RORA: variants seen among roughly 807,000 people sequenced by gnomAD.
RORA encodes the protein nuclear receptor ROR-alpha.
RORA carries 7 observed loss-of-function variants against 69.5 expected under a neutral mutation model. The observed-to-expected ratio is 0.10, with a 90% CI of 0.06 to 0.19. The LOEUF (loss-of-function observed/expected upper bound fraction) is 0.19, where lower values mean the gene tolerates loss of function less well. Ranked by LOEUF, RORA falls within the 10% of genes least tolerant of loss-of-function variation. The pLI is 1.00. For missense variants in RORA, 457 were observed against 663.0 expected, an observed-to-expected ratio of 0.69 and a Z score of 3.41; for synonymous variants, 261 against 240.8, an observed-to-expected ratio of 1.08 and a Z score of -0.78.
intron 2 of RORA, among the ~76,000 whole-genome samples, chr15:60,563,274 A>G (rs2067628618): frequency 6.6e-6 from 1 of 152,220 alleles, no homozygotes; most frequent in African/African-American, 2.4e-5. Flanking sequence ...ACAACTGCTC[A>G]GCCTTTTATA....
chr15:61,189,856 C>CAAAAAAAA (rs71125907), intron 1 of RORA, among the ~76,000 whole-genome samples: 1 of 42,894 alleles, frequency 2.3e-5, no homozygotes. Context: ...GACTCTGTCT[C>CAAAAAAAA]AAAAAAAAAA....
At chr15:61,003,253 T>C (rs979756196) in intron 1 of RORA, among the ~76,000 whole-genome samples, 10 of 152,190 alleles carry the variant, frequency 6.6e-5, no homozygotes, top group African/African-American at 2.4e-4. Context: ...GAAAAGTAGT[T>C]CCTAACAATT....
chr15:60,579,690 G>T (rs974093452), intron 2 of RORA, among the ~76,000 whole-genome samples: 1 of 152,126 alleles, frequency 6.6e-6, no homozygotes, highest in African/African-American at 2.4e-5. Context: ...CTTTCACTTT[G>T]GGGGTATTTT....
At chr15:61,105,325 T>G (rs2078937477) in intron 1 of RORA, among the ~76,000 whole-genome samples, 1 of 152,196 alleles carries the variant, frequency 6.6e-6, no homozygotes, top group Non-Finnish European at 1.5e-5. Flanking sequence ...AATGTGTGAT[T>G]TGTTCCAACA....
At chr15:60,788,685 A>T (rs1484044115) in intron 1 of RORA, among the ~76,000 whole-genome samples, 1 of 152,054 alleles carries the variant, frequency 6.6e-6, no homozygotes, top group Non-Finnish European at 1.5e-5. Flanking sequence ...CACGGGGCTG[A>T]TTGCTTAAAG....
At chr15:60,674,193 A>G (rs1461776776) in intron 2 of RORA, among the ~76,000 whole-genome samples, 3 of 152,204 alleles carry the variant, frequency 2.0e-5, no homozygotes, top group African/African-American at 7.2e-5. Flanking sequence ...TAGCTTTGCC[A>G]AGAATGGTTC....
At chr15:61,118,017 C>T (rs1239319273) in intron 1 of RORA, among the ~76,000 whole-genome samples, 8 of 152,120 alleles carry the variant, frequency 5.3e-5, no homozygotes, top group Admixed American at 3.9e-4. Context: ...TCAACAAAGG[C>T]GTATTCGGTT....
chr15:60,655,215 C>T lies in RORA; in HGVS notation c.196+23442G>A, dbSNP rs187486299. 3.6e-4 allele frequency among the ~76,000 whole-genome samples: 55 copies of T among 152,130 alleles called. 1 individual carries two copies. The highest frequency in any genetic ancestry group is 2.9e-3 in the Admixed American group (44 of 15,276). Reference sequence around the variant, plus strand: ...TTTTTGAGACAGAGTCTCACTCTGTCGCCCTCATGGAAACTTTTCTGATTT... The same window carrying T: ...TTTTTGAGACAGAGTCTCACTCTGTTGCCCTCATGGAAACTTTTCTGATTT... On this transcript the variant is annotated intron_variant, in intron 2 of 10. Transcript: ENST00000335670.
At chr15:60,600,564 G>A (rs906070131) in intron 2 of RORA, among the ~76,000 whole-genome samples, 1 of 152,152 alleles carries the variant, frequency 6.6e-6, no homozygotes, top group Non-Finnish European at 1.5e-5. Context: ...AGTCTGTTGT[G>A]AGCGCTAAAA....
intron 1 of RORA, among the ~76,000 whole-genome samples, chr15:60,804,249 C>CG (rs1567197024): frequency 7.6e-6 from 1 of 130,888 alleles, no homozygotes; most frequent in East Asian, 2.2e-4. Context: ...GATCACACCA[C>CG]GGGACTCCAG....
At chr15:60,732,458 C>T (rs575897445) in intron 1 of RORA, among the ~76,000 whole-genome samples, 17 of 152,278 alleles carry the variant, frequency 1.1e-4, no homozygotes, top group African/African-American at 4.1e-4. Flanking sequence ...TCAGGACACA[C>T]CACATCTACC....
chr15:60,505,518 T>C lies in RORA; in HGVS notation c.932A>G (p.Tyr311Cys), dbSNP rs2141286172. ...QTFLQEEIENYQNKQREVMWQ... is the reference protein window; with the variant it reads ...QTFLQEEIENCQNKQREVMWQ... ...TTCCTCAGATCATACCTTGTTTTGA[T>C]AGTTCTCAATTTCTTCCTGTAAAAA... The change falls in exon 6 of 11, where the codon TAT becomes TGT. Residue 311 changes from tyrosine to cysteine, a missense_variant. Tyr to Cys is a radical substitution (Grantham distance 194). Transcript: ENST00000335670. 1.2e-6 allele frequency: 2 copies of C among 1,613,994 alleles called. No homozygotes were observed. The highest frequency in any genetic ancestry group is 1.1e-5 in the South Asian group (1 of 91,080).
intron 1 of RORA, among the ~76,000 whole-genome samples, chr15:61,190,866 T>C (rs2079792463): frequency 6.6e-6 from 1 of 152,258 alleles, no homozygotes; most frequent in African/African-American, 2.4e-5. Flanking sequence ...TATATTTATA[T>C]AAAGTATAAA....
chr15:60,592,702 A>C, intron 2 of RORA: 1 of 1,032,122 alleles, frequency 9.7e-7, no homozygotes, highest in Non-Finnish European at 1.2e-6. Flanking sequence ...CCCCGCGGGC[A>C]GGTGAGTAGC....
At chr15:61,001,623 G>A (rs1232361072) in intron 1 of RORA, among the ~76,000 whole-genome samples, 1 of 152,154 alleles carries the variant, frequency 6.6e-6, no homozygotes, top group African/African-American at 2.4e-5. Context: ...CCTGAGTGCC[G>A]GCTCTGTCCT....
chr15:60,871,947 T>TA (rs558362035), intron 1 of RORA, among the ~76,000 whole-genome samples: 87 of 152,362 alleles, frequency 5.7e-4, no homozygotes, highest in Middle Eastern at 3.4e-3. Flanking sequence ...AGACACTGGG[T>TA]AAAAGGTATG....
At chr15:61,130,992 A>G (rs187852529) in intron 1 of RORA, among the ~76,000 whole-genome samples, 8 of 152,354 alleles carry the variant, frequency 5.3e-5, no homozygotes, top group South Asian at 4.1e-4. Context: ...GACTCCAAAT[A>G]TAAGTCTAAC....
chr15:60,759,914 G>C (rs1485470777), intron 1 of RORA, among the ~76,000 whole-genome samples: 1 of 152,180 alleles, frequency 6.6e-6, no homozygotes, highest in East Asian at 1.9e-4. Context: ...TACTTTGTTA[G>C]ATTTAATTTC....
At chr15:60,639,378 G>A (rs2069900562) in intron 2 of RORA, among the ~76,000 whole-genome samples, 1 of 152,034 alleles carries the variant, frequency 6.6e-6, no homozygotes, top group Non-Finnish European at 1.5e-5. Flanking sequence ...AAAAGCCATC[G>A]AAGCTTCAAC....
Sources: gnomAD v4.1 joint callset for allele counts (sites outside exome capture counted in the v4.1 genomes callset) on GRCh38, gnomAD v4.1.1 for gene constraint, MANE v1.5 for transcripts, NCBI Gene and HGNC (gene_info 2026-07-23, HGNC 2026-07-21) for gene names.